The following SCTR variants were observed in gnomAD, a reference collection of about 807,000 sequenced individuals.
The protein encoded by SCTR is pancreatic secretin receptor.
SCTR carries 56 observed loss-of-function variants against 60.8 expected under a neutral mutation model. That is an observed-to-expected ratio of 0.92 (90% CI 0.74 to 1.15). The LOEUF is 1.15. Among genes scored for constraint, SCTR ranks in the 50% most tolerant of loss-of-function variants. The pLI, the probability that SCTR is intolerant of heterozygous loss-of-function variation, is 0.00. For synonymous variants in SCTR, 202 were observed against 217.0 expected, an observed-to-expected ratio of 0.93 and a Z score of 0.61; for missense variants, 562 against 550.4, an observed-to-expected ratio of 1.02 and a Z score of -0.21.
intron 1 of SCTR, among the ~76,000 whole-genome samples, chr2:119,499,666 G>A (rs147697800): frequency 2.4e-3 from 363 of 152,158 alleles, no homozygotes; most frequent in African/African-American, 8.4e-3. Context: ...CGTATTAACA[G>A]CTGAAGAAAA....
intron 11 of SCTR, among the ~76,000 whole-genome samples, chr2:119,443,048 G>C (rs1189713005): frequency 6.6e-6 from 1 of 152,182 alleles, no homozygotes; most frequent in Non-Finnish European, 1.5e-5. Context: ...GGAGCTCTGT[G>C]TGCTTGGCCC....
chr2:119,444,465 A>C (rs1448313930), intron 11 of SCTR, among the ~76,000 whole-genome samples: 2 of 119,302 alleles, frequency 1.7e-5, no homozygotes, highest in African/African-American at 3.7e-5. Context: ...ATATATATAC[A>C]CATATATACG....
chr2:119,503,049 C>T (rs1455175667), intron 1 of SCTR, among the ~76,000 whole-genome samples: 5 of 149,254 alleles, frequency 3.3e-5, no homozygotes, highest in Non-Finnish European at 7.4e-5. Context: ...GTCCCAGCTA[C>T]TCGGGAGGTT....
At chr2:119,513,471 A>G (rs1394673090) in intron 1 of SCTR, among the ~76,000 whole-genome samples, 1 of 152,184 alleles carries the variant, frequency 6.6e-6, no homozygotes, top group African/African-American at 2.4e-5. Context: ...ACTTTTCTAT[A>G]TTATTTTATT....
At chr2:119,511,791 A>C (rs190336946) in intron 1 of SCTR, among the ~76,000 whole-genome samples, 1 of 152,312 alleles carries the variant, frequency 6.6e-6, no homozygotes, top group African/African-American at 2.4e-5. Flanking sequence ...CCTAAGAAAA[A>C]GTACATGGGG....
chr2:119,473,878 T>C (rs1244345891), intron 3 of SCTR, among the ~76,000 whole-genome samples: 3 of 152,170 alleles, frequency 2.0e-5, no homozygotes, highest in Non-Finnish European at 4.4e-5. Context: ...CTGTGGTGGC[T>C]GCCCAGTACC....
At chr2:119,487,819 G>C (rs2104880698) in intron 2 of SCTR, among the ~76,000 whole-genome samples, 1 of 152,244 alleles carries the variant, frequency 6.6e-6, no homozygotes, top group Non-Finnish European at 1.5e-5. Context: ...GGTGTTTCCT[G>C]TGACTGGTCT....
chr2:119,455,182 C>T (rs1170395164), intron 7 of SCTR, among the ~76,000 whole-genome samples: 3 of 152,214 alleles, frequency 2.0e-5, no homozygotes, highest in African/African-American at 7.2e-5. Context: ...GCCCTCTACC[C>T]TCTGCCCACC....
chr2:119,498,081 A>G (rs1286896860), intron 1 of SCTR, among the ~76,000 whole-genome samples: 1 of 152,198 alleles, frequency 6.6e-6, no homozygotes, highest in Non-Finnish European at 1.5e-5. Context: ...ACACCAAGGC[A>G]CATTATTTTT....
intron 9 of SCTR, among the ~76,000 whole-genome samples, chr2:119,451,582 C>T (rs1034647615): frequency 8.5e-5 from 13 of 152,194 alleles, no homozygotes; most frequent in Non-Finnish European, 1.6e-4. Context: ...CCCCACTGAG[C>T]TTCCCCGATC....
chr2:119,511,958 C>A (rs953039225), intron 1 of SCTR, among the ~76,000 whole-genome samples: 13 of 152,160 alleles, frequency 8.5e-5, no homozygotes, highest in Middle Eastern at 3.4e-3. Flanking sequence ...AATAAGAAAT[C>A]CAATTCTGAT....
At chr2:119,516,514 T>G (rs1415886330) in intron 1 of SCTR, among the ~76,000 whole-genome samples, 1 of 150,922 alleles carries the variant, frequency 6.6e-6, no homozygotes, top group East Asian at 2.0e-4. Context: ...ATTACAAAGT[T>G]GAATACAAAG....
intron 4 of SCTR, among the ~76,000 whole-genome samples, chr2:119,470,148 G>T (rs1194524514): frequency 1.3e-5 from 2 of 152,134 alleles, no homozygotes; most frequent in Non-Finnish European, 2.9e-5. Flanking sequence ...GCTACAGTTT[G>T]CAAATCCCAT....
chr2:119,521,484 TAC>T (rs1355513942), intron 1 of SCTR, among the ~76,000 whole-genome samples: 2 of 152,018 alleles, frequency 1.3e-5, no homozygotes, highest in Non-Finnish European at 2.9e-5. Flanking sequence ...AGTAAATAAT[TAC>T]AGTAATGTTC....
chr2:119,458,385 A>G (rs1175089648), intron 7 of SCTR, among the ~76,000 whole-genome samples: 1 of 151,702 alleles, frequency 6.6e-6, no homozygotes, highest in Non-Finnish European at 1.5e-5. Context: ...GTGGATCAAG[A>G]GGTCAGGAGA....
At chr2:119,511,348 A>G (rs1678923911) in intron 1 of SCTR, among the ~76,000 whole-genome samples, 1 of 152,238 alleles carries the variant, frequency 6.6e-6, no homozygotes, top group Non-Finnish European at 1.5e-5. Context: ...CTCATATATT[A>G]CATATACTAA....
chr2:119,480,236 T>C (rs978573390), intron 2 of SCTR, among the ~76,000 whole-genome samples: 1 of 152,184 alleles, frequency 6.6e-6, no homozygotes, highest in Non-Finnish European at 1.5e-5. Flanking sequence ...TGGGTAATTA[T>C]GAAGGAAAGA....
chr2:119,472,173 G>A (rs1677049934), intron 4 of SCTR, among the ~76,000 whole-genome samples: 2 of 152,218 alleles, frequency 1.3e-5, no homozygotes. Flanking sequence ...TGAGAGAGAT[G>A]GAGGCAGGTG....
intron 2 of SCTR, among the ~76,000 whole-genome samples, chr2:119,491,020 C>T (rs978203004): frequency 7.9e-5 from 12 of 152,332 alleles, no homozygotes; most frequent in African/African-American, 2.9e-4. Context: ...TTCTTCTCTT[C>T]CCTGTCTCGG....
Sources: gnomAD v4.1 joint callset for allele counts (sites outside exome capture counted in the v4.1 genomes callset) on GRCh38, gnomAD v4.1.1 for gene constraint, MANE v1.5 for transcripts, NCBI Gene and HGNC (gene_info 2026-07-23, HGNC 2026-07-21) for gene names.